NUDT18: variants seen among roughly 807,000 people sequenced by gnomAD.
NUDT18 encodes the protein 8-oxo-dGDP phosphatase NUDT18.
In NUDT18, 26 loss-of-function variants were observed where a neutral mutation model predicts 27.6. That is an observed-to-expected ratio of 0.94 (90% confidence interval 0.69 to 1.31). The LOEUF (loss-of-function observed/expected upper bound fraction) is 1.31. NUDT18 is among the 50% of genes most tolerant of loss of function. The pLI, the probability that NUDT18 is intolerant of heterozygous loss-of-function variation, is 0.00. For synonymous variants in NUDT18, 220 were observed against 196.9 expected (o/e 1.12, Z -0.98); for missense variants, 450 against 433.4 (o/e 1.04, Z -0.34).
rs1207650043 is a variant in NUDT18, at chr8:22,107,111, A to G, written c.*189T>C. The G allele has an allele frequency of 6.9e-6, 4 of 580,450 alleles. No individual in the cohort carries two copies. Among genetic ancestry groups the G allele is most frequent in the Non-Finnish European group, 1.2e-5 (4 of 328,044 alleles). The allele number at this position is 580,450 out of a possible 1,614,324, so 36.0% of individuals were successfully genotyped here. ...TGAGCTTTGGACTCCTCGCTTGGTT[A>G]AAGGCACTGTCCCTTGTGCAATCTA... On this transcript the variant is annotated 3_prime_UTR_variant, in exon 3 of 3. Transcript: ENST00000611621.
chr8:22,110,178 C>G (rs1431543715), upstream of NUDT18, among the ~76,000 whole-genome samples: 1 of 152,262 alleles, frequency 6.6e-6, no homozygotes, highest in Non-Finnish European at 1.5e-5. Flanking sequence ...AAGGCCCTCT[C>G]TGCTGCAGAT....
In NUDT18 at chr8:22,109,279, C is replaced by T; in HGVS notation, c.22G>A (p.Gly8Arg). Residue 8 changes from glycine (G) to arginine (R), a missense_variant, in exon 1 of 3, where the codon GGG (glycine) becomes AGG (arginine). Transcript: ENST00000611621. ...CCAGCCAGCACGGAAGCCAGCGCCC[C>T]CGCCAGGCCCTCCGAGGCCATCGGG... MASEGLA[G>R]ALASVLAGQG... The T allele has an allele frequency of 7.2e-7, 1 of 1,389,018 alleles. No homozygotes were observed. Among genetic ancestry groups the T allele is most frequent in the Middle Eastern group, 2.5e-4 (1 of 3,928 alleles). 86.0% of individuals were successfully genotyped at this position (1,389,018 alleles called of 1,614,324 possible). A position where few individuals can be genotyped will look rare whatever the true frequency, so the allele number is the denominator to read the frequency against.
Position 22,109,354 on chromosome 8 carries a change from C to G in NUDT18, c.-54G>C, listed in dbSNP as rs1165957966. 1.5e-6 allele frequency: 1 copy of G among 688,346 alleles called. No homozygotes were observed. 42.6% of individuals were successfully genotyped at this position (688,346 alleles called of 1,614,324 possible). A position where few individuals can be genotyped will look rare whatever the true frequency, so the allele number is the denominator to read the frequency against. On this transcript the variant is annotated 5_prime_UTR_variant, in exon 1 of 3. Coordinates refer to ENST00000611621, the MANE Select transcript of NUDT18 (RefSeq NM_024815.4). Reference sequence around the variant, plus strand: ...TCCTCGCAGACCGACTGAGCCGAGCCGCGGGCTAGAGTGCGCTGCGGAGCC... The same window carrying G: ...TCCTCGCAGACCGACTGAGCCGAGCGGCGGGCTAGAGTGCGCTGCGGAGCC...
chr8:22,108,176 C>T lies in NUDT18; in HGVS notation c.333G>A (p.Arg111=), dbSNP rs1345854887. The T allele has an allele frequency of 5.1e-6, 8 of 1,570,868 alleles. No individual in the cohort carries two copies. The highest frequency in any genetic ancestry group is 1.2e-5 in the South Asian group (1 of 85,266). The part of the protein sequence containing the change: ...EPETLLSVEE[R]GPSWVRFVFL... ...ACACGAAGCGGACCCAGGAGGGGCC[C>T]CGCTCCTCCACGGACAGCAGTGTCT... is the stretch of plus-strand genomic sequence containing the variant. Residue 111 remains arginine, a synonymous_variant, in exon 2 of 3, where the codon CGG becomes CGA. Coordinates refer to ENST00000611621, the MANE Select transcript of NUDT18 (RefSeq NM_024815.4).
rs973635200 is a variant in NUDT18, at chr8:22,107,283, T to C, written c.*17A>G. On this transcript the variant is annotated 3_prime_UTR_variant, in exon 3 of 3. Coordinates refer to ENST00000611621, the MANE Select transcript of NUDT18 (RefSeq NM_024815.4). ...GGGAGCACGGCTGCCTAGCTCCCTG[T>C]CACCTCCCCCACCTCTCTATCTGTT... The C allele has an allele frequency of 1.3e-6, 2 of 1,555,056 alleles. No individual in the cohort carries two copies. Among genetic ancestry groups the C allele is most frequent in the Non-Finnish European group, 1.7e-6 (2 of 1,147,302 alleles).
rs771299716 is a variant in NUDT18, at chr8:22,107,867, G to A, written c.405C>T (p.Ala135=). 4.4e-6 allele frequency: 7 copies of A among 1,593,458 alleles called. No individual in the cohort carries two copies. The highest frequency in any genetic ancestry group is 1.3e-5 in the African/African-American group (1 of 74,670). The change falls in exon 3 of 3, where the codon GCC becomes GCT. Residue 135 remains alanine (A), a synonymous_variant. Transcript: ENST00000611621. ...TGGILKTSKE[A]DAESLQAAWY... is the part of the protein sequence containing the mutation. ...AGGCAGCCTGCAGGGACTCCGCATC[G>A]GCCTCCTTGGAAGTCTTGAGAATTC...
At chr8:22,109,070 G>A (rs1265285440) in intron 1 of NUDT18, 69 bp downstream of exon 1, 1 of 1,223,384 alleles carries the variant, frequency 8.2e-7, no homozygotes, top group East Asian at 3.2e-5. Context: ...GTGGCCGTTG[G>A]GTCTTCTGTC....
chr8:22,107,279 C>T lies in NUDT18; in HGVS notation c.*21G>A. The T allele has an allele frequency of 1.9e-6, 3 of 1,546,952 alleles. No homozygotes were observed. The highest frequency in any genetic ancestry group is 2.6e-6 in the Non-Finnish European group (3 of 1,142,206). ...TGGAGGGAGCACGGCTGCCTAGCTC[C>T]CTGTCACCTCCCCCACCTCTCTATC... On this transcript the variant is annotated 3_prime_UTR_variant, in exon 3 of 3. Coordinates refer to ENST00000611621, the MANE Select transcript of NUDT18 (RefSeq NM_024815.4).
chr8:22,109,399 A>AGTCCCTGCGGCC lies in NUDT18; in HGVS notation c.-100_-99insGGCCGCAGGGAC. 3.3e-6 allele frequency: 1 copy of AGTCCCTGCGGCC among 301,110 alleles called. No individual in the cohort carries two copies. Among genetic ancestry groups the AGTCCCTGCGGCC allele is most frequent in the Non-Finnish European group, 4.5e-6 (1 of 220,654 alleles). 18.7% of individuals were successfully genotyped at this position (301,110 alleles called of 1,614,324 possible). A position where few individuals can be genotyped will look rare whatever the true frequency, so the allele number is the denominator to read the frequency against. The stretch of plus-strand genomic sequence containing the variant: ...GGAGCCCGCTCCCAGTCCCTGCGGC[A>AGTCCCTGCGGCC]GCGGGCCGGGAGCTCACGAGAACGC... On this transcript the variant is annotated 5_prime_UTR_variant, in exon 1 of 3. Coordinates refer to ENST00000611621, the MANE Select transcript of NUDT18 (RefSeq NM_024815.4).
At position 22,107,265 on chromosome 8, in the gene NUDT18, CG is replaced by C. The variant is rs1826380277; in HGVS notation, c.*34del. On this transcript the variant is annotated 3_prime_UTR_variant, in exon 3 of 3. Coordinates refer to ENST00000611621, the MANE Select transcript of NUDT18 (RefSeq NM_024815.4). ...AGACAAGTCCGCACTGGAGGGAGCA[CG>C]GCTGCCTAGCTCCCTGTCACCTCCC... is the stretch of plus-strand genomic sequence containing the variant. 1 of 1,480,960 alleles carries C rather than the reference CG, an allele frequency of 6.8e-7. No individual in the cohort carries two copies. The highest frequency in any genetic ancestry group is 2.4e-5 in the East Asian group (1 of 41,848). The allele number at this position is 1,480,960 out of a possible 1,614,324, so 91.7% of individuals were successfully genotyped here.
rs1826382490 is a variant in NUDT18, at chr8:22,107,346, A to G, written c.926T>C (p.Leu309Pro). The change falls in exon 3 of 3, where the codon CTC (leucine) becomes CCC (proline). Residue 309 changes from leucine (L) to proline (P), a missense_variant. Coordinates refer to ENST00000611621, the MANE Select transcript of NUDT18 (RefSeq NM_024815.4). Reference sequence around the variant, plus strand: ...AGAGGATCCCTGAAGCCGCTGGAGGAGCTGGCTTTGCAGGTCTTCCTCCAT... The same window carrying G: ...AGAGGATCCCTGAAGCCGCTGGAGGGGCTGGCTTTGCAGGTCTTCCTCCAT... ...KVMEEDLQSQLLQRLQGSSVV... is the reference protein window; with the variant it reads ...KVMEEDLQSQPLQRLQGSSVV... The G allele has an allele frequency of 6.2e-7, 1 of 1,613,058 alleles. No individual in the cohort carries two copies. The highest frequency in any genetic ancestry group is 1.7e-5 in the Admixed American group (1 of 59,956).
At chr8:22,108,929 G>A (rs1826414554) in intron 1 of NUDT18, among the ~76,000 whole-genome samples, 1 of 152,228 alleles carries the variant, frequency 6.6e-6, no homozygotes, top group Admixed American at 6.5e-5. Context: ...AGGCCTAGTC[G>A]GATGAGACAA....
In NUDT18 at chr8:22,107,567, C is replaced by T; in HGVS notation, c.705G>A (p.Leu235=). 1 of 1,613,162 alleles carries T rather than the reference C, an allele frequency of 6.2e-7. No individual in the cohort carries two copies. Among genetic ancestry groups the T allele is most frequent in the Non-Finnish European group, 8.5e-7 (1 of 1,179,894 alleles). The change falls in exon 3 of 3, where the codon CTG becomes CTA. Residue 235 remains leucine (L), a synonymous_variant. Transcript: ENST00000611621. ...EQRGGMKMAV[L]RLLQECLTLH... ...GGGTCAGACACTCCTGCAGCAGCCGCAGGACGGCCATCTTCATGCCACCCC... is the reference window on the plus strand; with the variant it reads ...GGGTCAGACACTCCTGCAGCAGCCGTAGGACGGCCATCTTCATGCCACCCC...
Position 22,108,173 on chromosome 8 carries a change from G to T in NUDT18, c.336C>A (p.Gly112=). Residue 112 remains glycine, a synonymous_variant, in exon 2 of 3, where the codon GGC becomes GGA. Coordinates refer to ENST00000611621, the MANE Select transcript of NUDT18 (RefSeq NM_024815.4). ...PETLLSVEER[G]PSWVRFVFLA... ...GGAACACGAAGCGGACCCAGGAGGG[G>T]CCCCGCTCCTCCACGGACAGCAGTG... 6.4e-7 allele frequency: 1 copy of T among 1,567,312 alleles called. No individual in the cohort carries two copies. Among genetic ancestry groups the T allele is most frequent in the Non-Finnish European group, 8.6e-7 (1 of 1,157,450 alleles).
chr8:22,107,253 C>G lies in NUDT18; in HGVS notation c.*47G>C, dbSNP rs765500059. The G allele has an allele frequency of 1.4e-5, 20 of 1,436,344 alleles. No homozygotes were observed. The South Asian group carries it at 1.5e-4, about 11-fold the overall frequency. The allele number at this position is 1,436,344 out of a possible 1,614,324, so 89.0% of individuals were successfully genotyped here. A position where few individuals can be genotyped will look rare whatever the true frequency, so the allele number is the denominator to read the frequency against. ...TCCCTCAGAGGGAGACAAGTCCGCA[C>G]TGGAGGGAGCACGGCTGCCTAGCTC... On this transcript the variant is annotated 3_prime_UTR_variant, in exon 3 of 3. Coordinates refer to ENST00000611621, the MANE Select transcript of NUDT18 (RefSeq NM_024815.4).
upstream of NUDT18, chr8:22,109,571 G>T: frequency 3.8e-6 from 2 of 529,262 alleles, no homozygotes; most frequent in South Asian, 1.6e-5. Flanking sequence ...GGGGGCACGG[G>T]TCCGGAGCCC....
In NUDT18 at chr8:22,109,249, C is replaced by T; in HGVS notation, c.52G>A (p.Gly18Arg). 7.1e-7 allele frequency: 1 copy of T among 1,416,824 alleles called. No homozygotes were observed. Among genetic ancestry groups the T allele is most frequent in the South Asian group, 1.5e-5 (1 of 68,520 alleles). 87.8% of individuals were successfully genotyped at this position (1,416,824 alleles called of 1,614,324 possible). Residue 18 changes from glycine to arginine, a missense_variant, in exon 1 of 3, where the codon GGG (glycine) becomes AGG (arginine). Physicochemically the swap from Gly to Arg is moderately radical, Grantham distance 125. Coordinates refer to ENST00000611621, the MANE Select transcript of NUDT18 (RefSeq NM_024815.4). ...GALASVLAGQ[G>R]SSVHSCDSAP... ...GAGTCGCAGCTGTGCACGCTGGACC[C>T]CTGGCCAGCCAGCACGGAAGCCAGC...
At position 22,107,529 on chromosome 8, in the gene NUDT18, ACCAAGTGGTG is replaced by A. The variant is rs1447239053; in HGVS notation, c.733_742del (p.His245TrpfsTer23). 3 of 1,612,824 alleles carry A rather than the reference ACCAAGTGGTG, an allele frequency of 1.9e-6. No individual in the cohort carries two copies. In the African/African-American group the frequency reaches 4.0e-5, roughly 22 times the overall value. On this transcript the variant is annotated frameshift_variant, in exon 3 of 3. Transcript: ENST00000611621. LOFTEE classifies it high-confidence loss of function. ...TCCAAGCAACCCCTTGATCTCCACC[ACCAAGTGGTG>A]CAGGGTCAGACACTCCTGCAGCAGC...
chr8:22,108,117 T>A lies in NUDT18; in HGVS notation c.376+16A>T. 3.4e-6 allele frequency: 5 copies of A among 1,489,054 alleles called. No individual in the cohort carries two copies. Among genetic ancestry groups the A allele is most frequent in the Non-Finnish European group, 4.5e-6 (5 of 1,118,868 alleles). 92.2% of individuals were successfully genotyped at this position (1,489,054 alleles called of 1,614,324 possible). A position where few individuals can be genotyped will look rare whatever the true frequency, so the allele number is the denominator to read the frequency against. The stretch of plus-strand genomic sequence containing the variant: ...GTCAACTGGCCCTGTTCACACTGCC[T>A]CCAGGTGGGCCATACCTGTGGGGCG... On this transcript the variant is annotated intron_variant, in intron 2 of 2. Transcript: ENST00000611621.
Sources: allele counts gnomAD v4.1 joint callset (sites outside exome capture counted in the v4.1 genomes callset), GRCh38; gene constraint gnomAD v4.1.1; transcripts MANE v1.5; gene names NCBI Gene and HGNC (gene_info 2026-07-23, HGNC 2026-07-21).